Variants in SGCD observed in about 807,000 individuals in gnomAD.
SGCD encodes the protein sarcoglycan delta.
A neutral mutation model predicts 36.6 loss-of-function variants in SGCD; 18 were observed. The observed-to-expected ratio is 0.49, with a 90% CI of 0.34 to 0.73. The LOEUF (loss-of-function observed/expected upper bound fraction) is 0.73. Ranked by LOEUF, SGCD falls within the 30% of genes least tolerant of loss-of-function variation. The pLI, the probability that SGCD is intolerant of heterozygous loss-of-function variation, is 0.01. For synonymous variants in SGCD, 133 were observed against 130.6 expected, an observed-to-expected ratio of 1.02 and a Z score of -0.12; for missense variants, 387 against 346.7, an observed-to-expected ratio of 1.12 and a Z score of -0.92.
Position 156,696,065 on chromosome 5 carries a change from G to A in SGCD, c.575+48529G>A, listed in dbSNP as rs529285826. Among the ~76,000 whole-genome samples the A allele has an allele frequency of 3.9e-5, 6 of 152,286 alleles. No individual in the cohort carries two copies. The East Asian group carries it at 1.2e-3, about 29-fold the overall frequency. ...TTTACAACCTGTTCTGGGTACTTGG[G>A]AAATTCTAGGATGCCCCTCACCTTG... On this transcript the variant is annotated intron_variant, in intron 7 of 8. Coordinates refer to ENST00000337851, the MANE Select transcript of SGCD (RefSeq NM_000337.6).
At chr5:156,081,718 C>T (rs73298688) in intron 1 of SGCD, among the ~76,000 whole-genome samples, 24,243 of 152,106 alleles carry the variant, frequency 0.16, 2,081 homozygotes, top group Middle Eastern at 0.19. Context: ...TAAATATTCC[C>T]ACCTCTTTTC....
chr5:155,944,322 A>T (rs1757395348), intron 1 of SGCD, among the ~76,000 whole-genome samples: 1 of 152,202 alleles, frequency 6.6e-6, no homozygotes, highest in Admixed American at 6.5e-5. Context: ...TACTTAGGCA[A>T]ATCACATTCT....
At chr5:155,767,071 T>C in the SGCD span, among the ~76,000 whole-genome samples, 1 of 152,178 alleles carries the variant, frequency 6.6e-6, no homozygotes, top group African/African-American at 2.4e-5. Flanking sequence ...TGACCTTGGT[T>C]CTATTAGTCA....
chr5:156,031,562 T>C (rs1759348839), intron 1 of SGCD, among the ~76,000 whole-genome samples: 1 of 152,226 alleles, frequency 6.6e-6, no homozygotes, highest in African/African-American at 2.4e-5. Flanking sequence ...GTTAGTCTTA[T>C]TATTCTTACC....
intron 3 of SGCD, among the ~76,000 whole-genome samples, chr5:156,145,478 A>G (rs999487956): frequency 3.9e-5 from 6 of 152,222 alleles, no homozygotes; most frequent in Admixed American, 6.5e-5. Flanking sequence ...AAGTGAGGTC[A>G]TAATAAGGGC....
chr5:155,913,036 T>C (rs1756663575), intron 1 of SGCD, among the ~76,000 whole-genome samples: 1 of 152,192 alleles, frequency 6.6e-6, no homozygotes, highest in African/African-American at 2.4e-5. Flanking sequence ...GATGTATTTC[T>C]ACAGTGGTGA....
chr5:155,972,880 T>C (rs997977057), intron 1 of SGCD, among the ~76,000 whole-genome samples: 3 of 152,192 alleles, frequency 2.0e-5, no homozygotes, highest in African/African-American at 4.8e-5. Context: ...ATTACATCTT[T>C]ATGCCCCTTG....
intron 3 of SGCD, among the ~76,000 whole-genome samples, chr5:156,202,100 C>T (rs1334707624): frequency 6.6e-6 from 1 of 152,152 alleles, no homozygotes; most frequent in Non-Finnish European, 1.5e-5. Context: ...TTCTAATACT[C>T]TGGTTGCCTC....
At chr5:155,966,582 C>G (rs531275730) in intron 1 of SGCD, among the ~76,000 whole-genome samples, 28 of 152,104 alleles carry the variant, frequency 1.8e-4, no homozygotes, top group Non-Finnish European at 3.8e-4. Context: ...AATCACCTGC[C>G]AGCATTTGAA....
chr5:156,593,846 A>G lies in SGCD; in HGVS notation c.383-1086A>G, dbSNP rs184677095. On this transcript the variant is annotated intron_variant, in intron 5 of 8. Transcript: ENST00000337851. Reference sequence around the variant, plus strand: ...ATTATTAAGTGACACTCTTTTGAAAAATACCAGAAAGAAAACAATTCCATG... The same window carrying G: ...ATTATTAAGTGACACTCTTTTGAAAGATACCAGAAAGAAAACAATTCCATG... 4.4e-3 allele frequency among the ~76,000 whole-genome samples: 674 copies of G among 152,328 alleles called. 5 individuals carry two copies. The highest frequency in any genetic ancestry group is 0.014 in the Middle Eastern group (4 of 294).
intron 7 of SGCD, among the ~76,000 whole-genome samples, chr5:156,652,169 G>A (rs1763487439): frequency 6.6e-6 from 1 of 151,956 alleles, no homozygotes; most frequent in Admixed American, 6.6e-5. Context: ...AGAGTCTTTA[G>A]GGTTTTCTAG....
chr5:156,631,798 T>A (rs545695926), intron 6 of SGCD, among the ~76,000 whole-genome samples: 32 of 152,198 alleles, frequency 2.1e-4, no homozygotes, highest in South Asian at 1.2e-3. Flanking sequence ...TAAAATTGAG[T>A]CATACAGGAG....
At chr5:156,009,052 T>C (rs1219729354) in intron 1 of SGCD, among the ~76,000 whole-genome samples, 1 of 152,088 alleles carries the variant, frequency 6.6e-6, no homozygotes, top group Non-Finnish European at 1.5e-5. Flanking sequence ...GGTTATTTGA[T>C]CTTTGGCCAG....
intron 3 of SGCD, among the ~76,000 whole-genome samples, chr5:156,386,030 G>A (rs763176388): frequency 2.0e-5 from 3 of 152,182 alleles, no homozygotes; most frequent in Non-Finnish European, 4.4e-5. Flanking sequence ...CTCCTATCAG[G>A]TAATGATGAC....
intron 1 of SGCD, among the ~76,000 whole-genome samples, chr5:156,042,358 C>A (rs1759660791): frequency 6.6e-6 from 1 of 152,008 alleles, no homozygotes; most frequent in Non-Finnish European, 1.5e-5. Flanking sequence ...ATGACAGATG[C>A]AGGAATTTAA....
chr5:156,232,269 G>A (rs931164372), intron 3 of SGCD, among the ~76,000 whole-genome samples: 3 of 152,170 alleles, frequency 2.0e-5, no homozygotes, highest in Admixed American at 1.3e-4. Context: ...TTAGAACTCT[G>A]AGGAGTGAAA....
At chr5:156,508,408 T>A (rs1756795106) in intron 3 of SGCD, among the ~76,000 whole-genome samples, 193 bp from the exon 4 acceptor site, 1 of 151,594 alleles carries the variant, frequency 6.6e-6, no homozygotes, top group Admixed American at 6.6e-5. Flanking sequence ...TCAGAAAGAG[T>A]GAAAAAGATA....
At chr5:156,184,367 G>A (rs1038306468) in intron 3 of SGCD, among the ~76,000 whole-genome samples, 2 of 118,892 alleles carry the variant, frequency 1.7e-5, no homozygotes, top group Non-Finnish European at 3.4e-5. Context: ...CTGACAAGCA[G>A]CCAGTTTTTT....
intron 3 of SGCD, among the ~76,000 whole-genome samples, chr5:156,505,752 T>A (rs572182712): frequency 6.7e-6 from 1 of 148,734 alleles, no homozygotes; most frequent in South Asian, 2.1e-4. Context: ...TAACAAAGCA[T>A]GTTCATAGTG....
Sources: gnomAD v4.1 joint callset for allele counts (sites outside exome capture counted in the v4.1 genomes callset) on GRCh38, gnomAD v4.1.1 for gene constraint, MANE v1.5 for transcripts, NCBI Gene and HGNC (gene_info 2026-07-23, HGNC 2026-07-21) for gene names.